The following BSN variants were observed in gnomAD, a reference collection of about 807,000 sequenced individuals.
The protein encoded by BSN is bassoon presynaptic cytomatrix protein.
BSN carries 57 observed loss-of-function variants against 264.8 expected under a neutral mutation model. That is an observed-to-expected ratio of 0.22 (90% CI 0.17 to 0.27). The LOEUF (loss-of-function observed/expected upper bound fraction) is 0.27. Among genes scored for constraint, BSN ranks in the 10% least tolerant of loss-of-function variants. The pLI is 1.00. For synonymous variants in BSN, 2,059 were observed against 2,137.3 expected (o/e 0.96, Z 1.01); for missense variants, 4,615 against 5,232.5 (o/e 0.88, Z 3.64).
In BSN at chr3:49,657,032, T is replaced by C; in HGVS notation, c.7476T>C (p.Ala2492=). The C allele has an allele frequency of 6.2e-7, 1 of 1,610,134 alleles. No homozygotes were observed. The highest frequency in any genetic ancestry group is 8.5e-7 in the Non-Finnish European group (1 of 1,177,578). The stretch of plus-strand genomic sequence containing the variant: ...CTGGCCGAGGGCCTCCCCTAGCGGC[T>C]GCTGAGTTGGCCCAGAATGGCCAGT... ...EAPGRGPPLA[A]AELAQNGQYW... Residue 2492 remains alanine, a synonymous_variant, in exon 5 of 12, where the codon GCT becomes GCC. Coordinates refer to ENST00000296452, the MANE Select transcript of BSN (RefSeq NM_003458.4).
At chr3:49,627,218 C>T (rs887284097) in intron 2 of BSN, among the ~76,000 whole-genome samples, 10 of 152,214 alleles carry the variant, frequency 6.6e-5, no homozygotes, top group African/African-American at 2.4e-4. Context: ...AGTTCCAGGA[C>T]AGGGCTATGG....
chr3:49,597,528 A>C (rs2052033594), intron 1 of BSN, among the ~76,000 whole-genome samples: 2 of 151,930 alleles, frequency 1.3e-5, no homozygotes. Flanking sequence ...ACAGGGTCTC[A>C]CTATGTTGCC....
intron 1 of BSN, among the ~76,000 whole-genome samples, chr3:49,596,451 C>G (rs1274514258): frequency 6.6e-6 from 1 of 152,094 alleles, no homozygotes; most frequent in African/African-American, 2.4e-5. Flanking sequence ...TGTATGTGCT[C>G]TTTATGAAGT....
At chr3:49,576,686 T>A (rs1222958822) in intron 1 of BSN, among the ~76,000 whole-genome samples, 1 of 152,134 alleles carries the variant, frequency 6.6e-6, no homozygotes, top group Non-Finnish European at 1.5e-5. Context: ...CCTCCCAAAG[T>A]GCTGGGATTA....
At chr3:49,628,371 T>C (rs2052359142) in intron 2 of BSN, among the ~76,000 whole-genome samples, 1 of 152,204 alleles carries the variant, frequency 6.6e-6, no homozygotes, top group Non-Finnish European at 1.5e-5. Context: ...TTGTGTATGA[T>C]GGCATCAGTC....
rs549224212 is a variant in BSN at position 49,654,627 on chromosome 3, G to A, written c.5071G>A (p.Val1691Met). ...GGGCATGGACCTCACCTCTCTTGCT[G>A]TGGAAGCGAGGAAGTATGGTCTTGC... ...DQGMDLTSLAVEARKYGLALD... is the reference protein window; with the variant it reads ...DQGMDLTSLAMEARKYGLALD... The change falls in exon 5 of 12, where the codon GTG (valine) becomes ATG (methionine). Residue 1691 changes from valine (V) to methionine (M), a missense_variant. This residue lies in a region of BSN where 3,415 missense variants were observed against 3,866.4 expected (regional missense o/e 0.88). Coordinates refer to ENST00000296452, the MANE Select transcript of BSN (RefSeq NM_003458.4). This position sits in a 1 kb window ranked among gnomAD's most constrained non-coding sequence, Gnocchi z 4.1. 2 of 1,614,014 alleles carry A rather than the reference G, an allele frequency of 1.2e-6. No homozygotes were observed. The highest frequency in any genetic ancestry group is 1.7e-6 in the Non-Finnish European group (2 of 1,180,016).
chr3:49,579,775 T>G (rs922176797), intron 1 of BSN, among the ~76,000 whole-genome samples: 1 of 151,842 alleles, frequency 6.6e-6, no homozygotes. Context: ...TTAAATTTTT[T>G]TAAGCATAAA....
chr3:49,632,938 A>G (rs2052392665), intron 2 of BSN, among the ~76,000 whole-genome samples: 1 of 152,150 alleles, frequency 6.6e-6, no homozygotes, highest in Admixed American at 6.5e-5. Context: ...TGTCTCTGAA[A>G]AACAAAATGG....
intron 1 of BSN, among the ~76,000 whole-genome samples, chr3:49,557,121 A>G (rs954287864): frequency 1.3e-5 from 2 of 152,202 alleles, no homozygotes; most frequent in African/African-American, 4.8e-5. Flanking sequence ...CCACACCCAT[A>G]GTGGTGCCTC....
chr3:49,566,788 GAAAAA>G (rs36043715), intron 1 of BSN, among the ~76,000 whole-genome samples: 10 of 86,074 alleles, frequency 1.2e-4, no homozygotes, highest in African/African-American at 3.5e-4. Flanking sequence ...TGTGTTTCAG[GAAAAA>G]AAAAAAAAAA....
intron 3 of BSN, 147 bp from the exon 4 acceptor site, chr3:49,650,465 T>G (rs907687901): frequency 1.8e-4 from 131 of 729,926 alleles, no homozygotes; most frequent in South Asian, 1.0e-4. Context: ...GGCAGTAAAT[T>G]GGTCAGTCTT....
intron 1 of BSN, among the ~76,000 whole-genome samples, chr3:49,594,714 A>G (rs1324615849): frequency 1.3e-5 from 2 of 152,254 alleles, no homozygotes; most frequent in Non-Finnish European, 2.9e-5. Flanking sequence ...CTGTAAAAAA[A>G]TTACTGAGAT....
At chr3:49,561,177 A>G (rs1473936169) in intron 1 of BSN, among the ~76,000 whole-genome samples, 2 of 152,184 alleles carry the variant, frequency 1.3e-5, no homozygotes, top group African/African-American at 4.8e-5. Context: ...TGGCCTGGAG[A>G]GGCCTGGTTG....
At chr3:49,659,896 G>A (rs1005682521) in intron 5 of BSN, among the ~76,000 whole-genome samples, 2 of 152,290 alleles carry the variant, frequency 1.3e-5, no homozygotes, top group East Asian at 1.9e-4. Context: ...AGAGGAAGAG[G>A]GTGGGCAGGC....
At chr3:49,666,404 T>C (rs926476737) in intron 11 of BSN, among the ~76,000 whole-genome samples, 8 of 152,238 alleles carry the variant, frequency 5.3e-5, no homozygotes, top group African/African-American at 1.9e-4. Flanking sequence ...CCAGGCACTC[T>C]TCCAGGATCT....
At chr3:49,617,905 G>A (rs1384198041) in intron 1 of BSN, among the ~76,000 whole-genome samples, 1 of 152,128 alleles carries the variant, frequency 6.6e-6, no homozygotes, top group East Asian at 1.9e-4. Context: ...GGCACTCATA[G>A]GTGTAGCCTT....
At chr3:49,628,376 T>G (rs1378013245) in intron 2 of BSN, among the ~76,000 whole-genome samples, 1 of 152,224 alleles carries the variant, frequency 6.6e-6, no homozygotes, top group Non-Finnish European at 1.5e-5. Context: ...TATGATGGCA[T>G]CAGTCAGAGT....
chr3:49,605,407 ATTT>A (rs1233754912), intron 1 of BSN, among the ~76,000 whole-genome samples: 31 of 47,464 alleles, frequency 6.5e-4, no homozygotes, highest in African/African-American at 2.3e-3. Flanking sequence ...TATTTATATA[ATTT>A]ATATTTTATA....
At chr3:49,658,297 C>A in intron 5 of BSN, 101 bp downstream of exon 5, 1 of 1,366,554 alleles carries the variant, frequency 7.3e-7, no homozygotes. Context: ...GTAGAGGCAT[C>A]TCTGGCCCCA....
Sources: gnomAD v4.1 joint callset for allele counts (sites outside exome capture counted in the v4.1 genomes callset) on GRCh38, gnomAD v4.1.1 for gene constraint, gnomAD v4.1.1 regional missense constraint, Gnocchi (gnomAD v3.1) non-coding constraint, MANE v1.5 for transcripts, NCBI Gene and HGNC (gene_info 2026-07-23, HGNC 2026-07-21) for gene names.